ZNF106: variants seen among roughly 807,000 people sequenced by gnomAD.
ZNF106 encodes SH3-domain binding protein 3.
A neutral mutation model predicts 195.1 loss-of-function variants in ZNF106; 67 were observed. That is an observed-to-expected ratio of 0.34 (90% CI 0.28 to 0.42). The LOEUF (loss-of-function observed/expected upper bound fraction) is 0.42. Ranked by LOEUF, ZNF106 falls within the 10% of genes least tolerant of loss-of-function variation. The pLI is 1.00. For missense variants in ZNF106, 2,118 were observed against 2,304.5 expected (o/e 0.92, Z 1.66); for synonymous variants, 784 against 818.6 (o/e 0.96, Z 0.72).
At chr15:42,420,795 G>A (rs1247611842) in intron 20 of ZNF106, among the ~76,000 whole-genome samples, 1 of 152,092 alleles carries the variant, frequency 6.6e-6, no homozygotes, top group Admixed American at 6.5e-5. Flanking sequence ...TCTGATGAGC[G>A]GGAGTAGAGG....
chr15:42,477,329 C>T (rs2056805733), intron 1 of ZNF106, among the ~76,000 whole-genome samples: 1 of 152,162 alleles, frequency 6.6e-6, no homozygotes, highest in Non-Finnish European at 1.5e-5. Context: ...GTAAGCACTG[C>T]TTCACTGGCA....
chr15:42,441,370 A>G (rs2055530963), intron 10 of ZNF106, among the ~76,000 whole-genome samples: 1 of 151,944 alleles, frequency 6.6e-6, no homozygotes, highest in African/African-American at 2.4e-5. Context: ...TATATTTGAT[A>G]CTAACATCTA....
chr15:42,487,490 CAAAAAAAAAAAA>C (rs961444853), intron 1 of ZNF106, among the ~76,000 whole-genome samples: 2 of 44,722 alleles, frequency 4.5e-5, no homozygotes, highest in African/African-American at 8.8e-5. Flanking sequence ...GACCCTGTCT[CAAAAAAAAAAAA>C]AAAAAAAAAA....
chr15:42,489,022 G>T (rs1444905659), intron 1 of ZNF106, among the ~76,000 whole-genome samples: 1 of 149,002 alleles, frequency 6.7e-6, no homozygotes, highest in East Asian at 2.0e-4. Flanking sequence ...AGGTTGCAGT[G>T]AGCTGGGATT....
At chr15:42,464,899 G>A (rs146483490) in intron 3 of ZNF106, among the ~76,000 whole-genome samples, 1 of 152,208 alleles carries the variant, frequency 6.6e-6, no homozygotes, top group Non-Finnish European at 1.5e-5. Context: ...TTTATAAATG[G>A]GAATTCCCCT....
In ZNF106 at chr15:42,417,163, G is replaced by C. The variant is rs908855980; in HGVS notation, c.*141C>G. ...ATTTATCATCCCATAGAGCTGCCCA[G>C]ACTTATGCTAGGGGTATGCCTGGCT... On this transcript the variant is annotated 3_prime_UTR_variant, in exon 22 of 22. Coordinates refer to ENST00000564754, the MANE Select transcript of ZNF106 (RefSeq NM_001366845.3). 50 of 795,362 alleles carry C rather than the reference G, an allele frequency of 6.3e-5. No individual in the cohort carries two copies. In the African/African-American group the frequency reaches 8.7e-4, roughly 14 times the overall value. 49.3% of individuals were successfully genotyped at this position (795,362 alleles called of 1,614,324 possible). A position where few individuals can be genotyped will look rare whatever the true frequency, so the allele number is the denominator to read the frequency against.
chr15:42,452,068 C>CG, intron 4 of ZNF106, 114 bp from the exon 5 acceptor site: 1 of 1,203,188 alleles, frequency 8.3e-7, no homozygotes, highest in Non-Finnish European at 1.2e-6. Context: ...GAATATGTAA[C>CG]CGAGTCTGGT....
chr15:42,487,324 C>A (rs1014627042), intron 1 of ZNF106, among the ~76,000 whole-genome samples: 6 of 151,168 alleles, frequency 4.0e-5, no homozygotes, highest in Admixed American at 2.0e-4. Context: ...TTCACACACA[C>A]AAAAAATTTA....
intron 1 of ZNF106, among the ~76,000 whole-genome samples, chr15:42,487,875 C>T (rs1165840526): frequency 6.6e-6 from 1 of 152,162 alleles, no homozygotes; most frequent in African/African-American, 2.4e-5. Flanking sequence ...ATATTCTATG[C>T]ATATATGGTT....
intron 15 of ZNF106, 145 bp downstream of exon 15, chr15:42,427,873 A>G: frequency 1.6e-6 from 1 of 637,740 alleles, no homozygotes; most frequent in Non-Finnish European, 2.8e-6. Context: ...TTACATCAGA[A>G]GATAACTGTG....
At chr15:42,489,630 A>T (rs1252344479) in intron 1 of ZNF106, among the ~76,000 whole-genome samples, 1 of 152,238 alleles carries the variant, frequency 6.6e-6, no homozygotes, top group African/African-American at 2.4e-5. Context: ...TTGCATCTGA[A>T]AATTGTCTTT....
At chr15:42,430,592 C>T (rs777748306) in intron 14 of ZNF106, among the ~76,000 whole-genome samples, 4 of 151,876 alleles carry the variant, frequency 2.6e-5, no homozygotes, top group Non-Finnish European at 4.4e-5. Context: ...GCCATGTTGC[C>T]TAGGCTGTTC....
At chr15:42,459,824 A>C (rs908896459) in intron 3 of ZNF106, among the ~76,000 whole-genome samples, 11 of 152,000 alleles carry the variant, frequency 7.2e-5, no homozygotes, top group African/African-American at 2.4e-4. Context: ...GTGGATCACG[A>C]GGTCAGGAGT....
At chr15:42,435,254 T>C (rs778241871) in intron 14 of ZNF106, 130 bp downstream of exon 14, 66 of 1,279,580 alleles carry the variant, frequency 5.2e-5, no homozygotes, top group Non-Finnish European at 7.2e-5. Flanking sequence ...AACAATGTGC[T>C]AAACATTGTT....
intron 6 of ZNF106, among the ~76,000 whole-genome samples, chr15:42,447,819 T>C (rs915253923): frequency 1.3e-5 from 2 of 152,238 alleles, no homozygotes; most frequent in Non-Finnish European, 2.9e-5. Context: ...CAAAGAATCA[T>C]TGGCTTGGAC....
At chr15:42,475,665 T>C (rs1044271572) in intron 1 of ZNF106, among the ~76,000 whole-genome samples, 5 of 152,216 alleles carry the variant, frequency 3.3e-5, no homozygotes, top group South Asian at 4.1e-4. Flanking sequence ...TGCTTTATAA[T>C]GTAACATCTA....
At chr15:42,431,983 T>C (rs1028886878) in intron 14 of ZNF106, among the ~76,000 whole-genome samples, 2 of 152,166 alleles carry the variant, frequency 1.3e-5, no homozygotes, top group African/African-American at 4.8e-5. Flanking sequence ...TGAGAAAGGG[T>C]TGTTAATGTC....
intron 15 of ZNF106, among the ~76,000 whole-genome samples, chr15:42,425,946 T>C (rs1209966012): frequency 6.6e-6 from 1 of 152,116 alleles, no homozygotes; most frequent in Admixed American, 6.5e-5. Flanking sequence ...TTAGACTTCT[T>C]TCCTTCATCC....
rs750469202 is a variant in ZNF106, at chr15:42,439,118, G to C, written c.4459C>G (p.Pro1487Ala). The change falls in exon 11 of 22, where the codon CCA becomes GCA. Residue 1487 changes from proline (P) to alanine (A), a missense_variant. Pro to Ala is a conservative substitution (Grantham distance 27, BLOSUM62 -1). Transcript: ENST00000564754. The part of the protein sequence containing the change: ...KDIWNSTEQN[P>A]LETSRSGCDE... ...CACCCAGAACGAGACGTTTCTAGTGGGTTTTGCTCTGTAGAGTTCCAAATA... is the reference window on the plus strand; with the variant it reads ...CACCCAGAACGAGACGTTTCTAGTGCGTTTTGCTCTGTAGAGTTCCAAATA... 32 of 1,614,028 alleles carry C rather than the reference G, an allele frequency of 2.0e-5. 1 individual carries two copies. Among genetic ancestry groups the C allele is most frequent in the Non-Finnish European group, 2.5e-5 (30 of 1,180,030 alleles).
Sources: gnomAD v4.1 joint callset for allele counts (sites outside exome capture counted in the v4.1 genomes callset) on GRCh38, gnomAD v4.1.1 for gene constraint, MANE v1.5 for transcripts, NCBI Gene and HGNC (gene_info 2026-07-23, HGNC 2026-07-21) for gene names.